The following PRKAR2A variants were observed in gnomAD, a reference collection of about 807,000 sequenced individuals.
PRKAR2A encodes cAMP-dependent protein kinase type II-alpha regulatory subunit.
Under a neutral mutation model 51.9 loss-of-function variants are expected in PRKAR2A, and 29 were observed. The observed-to-expected ratio is 0.56, with a 90% CI of 0.42 to 0.76. PRKAR2A has a LOEUF of 0.76. Among genes scored for constraint, PRKAR2A ranks in the 30% least tolerant of loss-of-function variants. The pLI, the probability that PRKAR2A is intolerant of heterozygous loss-of-function variation, is 0.00. For synonymous variants in PRKAR2A, 178 were observed against 186.2 expected, an observed-to-expected ratio of 0.96 and a Z score of 0.36; for missense variants, 445 against 512.1, an observed-to-expected ratio of 0.87 and a Z score of 1.26.
intron 1 of PRKAR2A, among the ~76,000 whole-genome samples, chr3:48,845,040 A>G (rs576950075): frequency 3.4e-4 from 52 of 152,194 alleles, no homozygotes; most frequent in Non-Finnish European, 6.8e-4. Flanking sequence ...AAAATCCTAA[A>G]GTGTTGTGTA....
At position 48,768,346 on chromosome 3, in the gene PRKAR2A, G is replaced by T. The variant is rs1222929633; in HGVS notation, c.697-2997C>A. Among the ~76,000 whole-genome samples the T allele has an allele frequency of 8.9e-4, 119 of 133,932 alleles. 2 individuals are homozygous for T. The South Asian group carries it at 0.022, about 25-fold the overall frequency. 87.9% of individuals were successfully genotyped at this position (133,932 alleles called of 152,430 possible). ...ATAGATAGATAGATAGATAGATATA[G>T]ACAGACAGAGAGACAGACAGACAGA... On this transcript the variant is annotated intron_variant, in intron 6 of 10. Transcript: ENST00000265563.
chr3:48,768,340 GAT>G (rs1344313364), intron 6 of PRKAR2A, among the ~76,000 whole-genome samples: 2 of 150,218 alleles, frequency 1.3e-5, no homozygotes, highest in Admixed American at 1.3e-4. Flanking sequence ...TAGATAGATA[GAT>G]ATAGACAGAC....
At chr3:48,786,454 CAT>C (rs1314850861) in intron 4 of PRKAR2A, among the ~76,000 whole-genome samples, 3 of 149,044 alleles carry the variant, frequency 2.0e-5, no homozygotes, top group African/African-American at 7.4e-5. Context: ...CAAAGTCAAA[CAT>C]ATACCTATCC....
chr3:48,835,748 C>A (rs1405250593), intron 1 of PRKAR2A, among the ~76,000 whole-genome samples: 1 of 151,038 alleles, frequency 6.6e-6, no homozygotes, highest in Non-Finnish European at 1.5e-5. Context: ...AATCGTGTCA[C>A]TGCACTGCAG....
At chr3:48,771,913 T>C (rs1365080105) in intron 6 of PRKAR2A, among the ~76,000 whole-genome samples, 2 of 152,106 alleles carry the variant, frequency 1.3e-5, no homozygotes, top group African/African-American at 4.8e-5. Context: ...TAGCTGATTT[T>C]CTGTTTAGCT....
intron 2 of PRKAR2A, among the ~76,000 whole-genome samples, chr3:48,800,257 G>A (rs2082565202): frequency 6.6e-6 from 1 of 151,034 alleles, no homozygotes; most frequent in Non-Finnish European, 1.5e-5. Flanking sequence ...GCCCACATCT[G>A]TAATCCCAGC....
chr3:48,769,314 C>T (rs988976643), intron 6 of PRKAR2A, among the ~76,000 whole-genome samples: 1 of 151,444 alleles, frequency 6.6e-6, no homozygotes, highest in African/African-American at 2.4e-5. Context: ...CCTGCCACCG[C>T]GCCCGGCTAA....
chr3:48,843,386 G>A (rs2083410220), intron 1 of PRKAR2A, among the ~76,000 whole-genome samples: 1 of 151,858 alleles, frequency 6.6e-6, no homozygotes, highest in Non-Finnish European at 1.5e-5. Context: ...TTTTTTGAAG[G>A]GTTTTTTGTG....
At chr3:48,773,248 G>T in intron 5 of PRKAR2A, 140 bp from the exon 6 acceptor site, 3 of 618,068 alleles carry the variant, frequency 4.9e-6, no homozygotes, top group Non-Finnish European at 5.0e-6. Flanking sequence ...ACATATTTTT[G>T]TATTTTGACT....
chr3:48,751,864 T>C, intron 10 of PRKAR2A, 146 bp from the exon 11 acceptor site: 5 of 987,070 alleles, frequency 5.1e-6, no homozygotes, highest in Non-Finnish European at 7.3e-6. Context: ...TCTATATGAA[T>C]TCAGAAGACT....
intron 1 of PRKAR2A, among the ~76,000 whole-genome samples, chr3:48,846,369 A>C (rs1452346227): frequency 6.6e-6 from 1 of 151,796 alleles, no homozygotes; most frequent in Non-Finnish European, 1.5e-5. Context: ...GACGCCCGCC[A>C]CCACGCCCGG....
At chr3:48,758,709 A>C (rs1417372188) in intron 8 of PRKAR2A, among the ~76,000 whole-genome samples, 1 of 152,128 alleles carries the variant, frequency 6.6e-6, no homozygotes, top group East Asian at 1.9e-4. Context: ...ATAGAATAGA[A>C]GCTGCTAATG....
chr3:48,773,741 CATAT>C, intron 5 of PRKAR2A, among the ~76,000 whole-genome samples: 1 of 150,800 alleles, frequency 6.6e-6, no homozygotes, highest in African/African-American at 2.4e-5. Context: ...TTAACTTAAA[CATAT>C]ATATATATAC....
rs912287135 is a variant in PRKAR2A at position 48,789,297 on chromosome 3, T to C, written c.435+1247A>G. Among the ~76,000 whole-genome samples the C allele has an allele frequency of 5.3e-5, 8 of 152,134 alleles. No homozygotes were observed. The East Asian group carries it at 1.3e-3, about 26-fold the overall frequency. On this transcript the variant is annotated intron_variant, in intron 4 of 10. Transcript: ENST00000265563. The stretch of plus-strand genomic sequence containing the variant: ...TGTGGATGTCTGAAACCACAGATAG[T>C]GTTGAACCCTACTGATGTCAATTGG...
At chr3:48,759,394 T>C (rs1228599711) in intron 8 of PRKAR2A, among the ~76,000 whole-genome samples, 8 of 151,914 alleles carry the variant, frequency 5.3e-5, no homozygotes, top group Admixed American at 1.3e-4. Context: ...CTTTTTTTTT[T>C]TTTTTTTTTG....
intron 9 of PRKAR2A, among the ~76,000 whole-genome samples, chr3:48,752,916 C>CTTTTTTTTTTTTTT (rs59163654): frequency 6.3e-5 from 3 of 47,498 alleles, no homozygotes; most frequent in Admixed American, 3.8e-4. Context: ...TTCCCTCCTC[C>CTTTTTTTTTTTTTT]TTTTTTTTTT....
intron 1 of PRKAR2A, among the ~76,000 whole-genome samples, chr3:48,831,851 A>G (rs927530257): frequency 6.6e-6 from 1 of 152,062 alleles, no homozygotes; most frequent in Non-Finnish European, 1.5e-5. Context: ...TCCTGATCTC[A>G]TGTGATCCCA....
intron 8 of PRKAR2A, among the ~76,000 whole-genome samples, chr3:48,760,806 G>A (rs905905774): frequency 6.7e-6 from 1 of 148,702 alleles, no homozygotes; most frequent in Admixed American, 6.8e-5. Context: ...TTGCACTCTG[G>A]CCTGGGCAAC....
At chr3:48,787,906 G>T (rs918751756) in intron 4 of PRKAR2A, among the ~76,000 whole-genome samples, 1 of 152,184 alleles carries the variant, frequency 6.6e-6, no homozygotes, top group South Asian at 2.1e-4. Flanking sequence ...AGCCTTTTTG[G>T]TAGGAGCTGG....
Sources: gnomAD v4.1 joint callset for allele counts (sites outside exome capture counted in the v4.1 genomes callset) on GRCh38, gnomAD v4.1.1 for gene constraint, MANE v1.5 for transcripts, NCBI Gene and HGNC (gene_info 2026-07-23, HGNC 2026-07-21) for gene names.